The following PADI1 variants were observed in gnomAD, a reference collection of about 807,000 sequenced individuals.
The protein encoded by PADI1 is peptidyl arginine deiminase 1, also known as protein-arginine deiminase type-1.
Under a neutral mutation model 74.8 loss-of-function variants are expected in PADI1, and 65 were observed. The ratio of observed to expected loss-of-function variants is 0.87; its 90% CI spans 0.71 to 1.07. The LOEUF (loss-of-function observed/expected upper bound fraction) is 1.07, where lower values mean the gene tolerates loss of function less well. PADI1 is among the 50% of genes least tolerant of loss of function. The probability of loss-of-function intolerance (pLI) is 0.00; values close to 1 mark genes in which losing one functional copy is unlikely to be tolerated. For missense variants in PADI1, 943 were observed against 854.0 expected (o/e 1.10, Z -1.30); for synonymous variants, 371 against 336.2 (o/e 1.10, Z -1.13).
At chr1:17,213,801 G>A (rs2071898054) in intron 1 of PADI1, among the ~76,000 whole-genome samples, 1 of 152,222 alleles carries the variant, frequency 6.6e-6, no homozygotes, top group Non-Finnish European at 1.5e-5. Flanking sequence ...ACCACAGGAG[G>A]CGGGCAGGGG....
At chr1:17,243,911 C>G (rs2072826709) in intron 15 of PADI1, 99 bp from the exon 16 acceptor site, 2 of 813,336 alleles carry the variant, frequency 2.5e-6, no homozygotes, top group Non-Finnish European at 2.0e-6. Context: ...CTATGGCCAA[C>G]CCATTCCCCA....
At chr1:17,233,834 T>C (rs1306438614) in intron 11 of PADI1, among the ~76,000 whole-genome samples, 1 of 152,208 alleles carries the variant, frequency 6.6e-6, no homozygotes, top group East Asian at 1.9e-4. Context: ...TCTGGCAGCC[T>C]CAGAGCTCTG....
chr1:17,220,227 TG>T (rs1297961700), intron 1 of PADI1, among the ~76,000 whole-genome samples: 2 of 151,910 alleles, frequency 1.3e-5, no homozygotes, highest in East Asian at 3.9e-4. Flanking sequence ...ATCTTTGCTT[TG>T]GGGGGTTGTG....
chr1:17,237,583 T>C (rs1373508986), intron 12 of PADI1, 125 bp downstream of exon 12: 4 of 939,072 alleles, frequency 4.3e-6, no homozygotes, highest in African/African-American at 1.7e-5. Context: ...ATTGGGACAT[T>C]TTCTGGGTCA....
chr1:17,209,240 C>A (rs941487689), intron 1 of PADI1, among the ~76,000 whole-genome samples: 1 of 152,160 alleles, frequency 6.6e-6, no homozygotes, highest in African/African-American at 2.4e-5. Flanking sequence ...TTCCAGCGAC[C>A]GACAGGCTGC....
chr1:17,224,775 A>G (rs1334034050), intron 4 of PADI1, among the ~76,000 whole-genome samples: 1 of 151,956 alleles, frequency 6.6e-6, no homozygotes, highest in African/African-American at 2.4e-5. Flanking sequence ...TTGTTGAGTG[A>G]CAGAAGGCAA....
chr1:17,226,960 A>T, intron 6 of PADI1, among the ~76,000 whole-genome samples: 1 of 151,626 alleles, frequency 6.6e-6, no homozygotes, highest in Non-Finnish European at 1.5e-5. Context: ...TTAAGGCAAG[A>T]GGTGGAGCTT....
chr1:17,210,217 G>C (rs2071798085), intron 1 of PADI1, among the ~76,000 whole-genome samples: 1 of 151,772 alleles, frequency 6.6e-6, no homozygotes, highest in Non-Finnish European at 1.5e-5. Flanking sequence ...GGGTGCAGTG[G>C]TGTGACCATG....
At chr1:17,205,899 G>T (rs184460727) in intron 1 of PADI1, among the ~76,000 whole-genome samples, 58 of 152,296 alleles carry the variant, frequency 3.8e-4, no homozygotes, top group Non-Finnish European at 3.5e-4. Flanking sequence ...TTATGGTGAT[G>T]AACAGTGATG....
intron 4 of PADI1, among the ~76,000 whole-genome samples, chr1:17,225,587 G>C (rs2072284898): frequency 6.6e-6 from 1 of 152,190 alleles, no homozygotes; most frequent in Non-Finnish European, 1.5e-5. Context: ...GCTGGGTAGA[G>C]CCATTGTGTA....
rs570623252 is a variant in PADI1 at position 17,226,508 on chromosome 1, G to A, written c.652+350G>A. ...TCAATCAGCGTGGACTGAACTGCAT[G>A]CCAAGCACTGTCCAGGCAGGGAGGG... On this transcript the variant is annotated intron_variant, in intron 6 of 15. Transcript: ENST00000375471. 2.0e-5 allele frequency among the ~76,000 whole-genome samples: 3 copies of A among 152,294 alleles called. No homozygotes were observed. In the East Asian group the frequency reaches 5.8e-4, roughly 29 times the overall value.
At chr1:17,225,786 C>T (rs2072290338) in intron 4 of PADI1, 25 bp from the exon 5 acceptor site, 10 of 1,586,790 alleles carry the variant, frequency 6.3e-6, no homozygotes, top group Non-Finnish European at 8.7e-6. Flanking sequence ...TCCCACTGAT[C>T]CCAAGGCATC....
At chr1:17,223,070 C>T (rs1314229060) in intron 2 of PADI1, among the ~76,000 whole-genome samples, 1 of 152,174 alleles carries the variant, frequency 6.6e-6, no homozygotes, top group African/African-American at 2.4e-5. Context: ...ACCTCCTCTG[C>T]TTGCTAGCTG....
rs114883788 is a variant in PADI1, at chr1:17,215,081, C to T, written c.93-7209C>T. On this transcript the variant is annotated intron_variant, in intron 1 of 15. Transcript: ENST00000375471. ...GCTGGGAACTAGAATAGGCCCCTCC[C>T]CATGCCTGTGGGAGTGGCCCTGGGC... 8.1e-3 allele frequency among the ~76,000 whole-genome samples: 1,238 copies of T among 152,316 alleles called. 22 individuals carry two copies. The highest frequency in any genetic ancestry group is 0.027 in the African/African-American group (1,131 of 41,564).
intron 1 of PADI1, among the ~76,000 whole-genome samples, chr1:17,221,621 T>C (rs1051877057): frequency 4.7e-5 from 7 of 150,438 alleles, no homozygotes; most frequent in African/African-American, 1.7e-4. Context: ...TTGAAGAGGG[T>C]GAGGGAAGGA....
chr1:17,239,133 A>C (rs574158231), intron 13 of PADI1, among the ~76,000 whole-genome samples: 1 of 152,324 alleles, frequency 6.6e-6, no homozygotes, highest in Non-Finnish European at 1.5e-5. Context: ...AGCTTCCTGC[A>C]GGAGCTAACA....
At chr1:17,240,957 C>T (rs1006184331) in intron 15 of PADI1, among the ~76,000 whole-genome samples, 197 bp downstream of exon 15, 5 of 152,120 alleles carry the variant, frequency 3.3e-5, no homozygotes, top group Admixed American at 6.5e-5. Context: ...TTTTTGTTGC[C>T]GCAGTGAGGT....
At chr1:17,239,891 C>A in intron 14 of PADI1, 108 bp downstream of exon 14, 3 of 868,270 alleles carry the variant, frequency 3.5e-6, no homozygotes, top group East Asian at 2.7e-5. Flanking sequence ...CTCTCATGGT[C>A]CTGGGGGCTG....
At chr1:17,206,120 T>C (rs546294924) in intron 1 of PADI1, among the ~76,000 whole-genome samples, 6 of 152,346 alleles carry the variant, frequency 3.9e-5, no homozygotes, top group Admixed American at 3.9e-4. Flanking sequence ...GTCTATGGAT[T>C]CCATCCCTGC....
Sources: gnomAD v4.1 joint callset for allele counts (sites outside exome capture counted in the v4.1 genomes callset) on GRCh38, gnomAD v4.1.1 for gene constraint, MANE v1.5 for transcripts, NCBI Gene and HGNC (gene_info 2026-07-23, HGNC 2026-07-21) for gene names.